Variants in PCDHGA2 observed in about 807,000 individuals in gnomAD.
PCDHGA2 encodes the protein protocadherin gamma-A2.
A neutral mutation model predicts 59.2 loss-of-function variants in PCDHGA2; 40 were observed. The observed-to-expected ratio is 0.68, with a 90% CI of 0.52 to 0.88. The LOEUF (loss-of-function observed/expected upper bound fraction) is 0.88, where lower values mean the gene tolerates loss of function less well. PCDHGA2 is among the 40% of genes least tolerant of loss of function. The pLI is 0.00. For missense variants in PCDHGA2, 1,226 were observed against 1,204.0 expected, an observed-to-expected ratio of 1.02 and a Z score of -0.27; for synonymous variants, 560 against 526.0, an observed-to-expected ratio of 1.06 and a Z score of -0.89.
In PCDHGA2 at chr5:141,398,664, A is replaced by G. The variant is rs762356100; in HGVS notation, c.2424+57269A>G. The G allele has an allele frequency of 4.3e-6, 7 of 1,612,604 alleles. No individual in the cohort carries two copies. In the East Asian group the frequency reaches 8.9e-5, roughly 21 times the overall value. ...AACTCTCTCTTAACCCAAGTTTCTC[A>G]TTAATAATTAAGGAGAAACAGGATG... On this transcript the variant is annotated intron_variant, in intron 1 of 3. Transcript: ENST00000394576.
In PCDHGA2 at chr5:141,485,115, G is replaced by T. The variant is rs1043877839; in HGVS notation, c.2425-9692G>T. On this transcript the variant is annotated intron_variant, in intron 1 of 3. Transcript: ENST00000394576. This position sits in a 1 kb window ranked among gnomAD's most constrained non-coding sequence, Gnocchi z 5.7. ...GTGTCTCCAGCTGCTGTGGCTGTTT[G>T]GGGCGGGTCGGCTTCATCCGCGTCT... The T allele has an allele frequency of 3.8e-6, 5 of 1,300,464 alleles. No homozygotes were observed. The African/African-American group carries it at 5.8e-5, about 15-fold the overall frequency. The allele number at this position is 1,300,464 out of a possible 1,614,324, so 80.6% of individuals were successfully genotyped here.
chr5:141,455,616 A>G (rs2154565146), intron 1 of PCDHGA2, among the ~76,000 whole-genome samples: 1 of 152,244 alleles, frequency 6.6e-6, no homozygotes, highest in South Asian at 2.1e-4. Flanking sequence ...GGATGTTCTA[A>G]ACACGTGGAG....
intron 1 of PCDHGA2, chr5:141,478,485 G>C (rs2099459345): frequency 1.2e-6 from 2 of 1,613,204 alleles, no homozygotes; most frequent in East Asian, 4.5e-5. Flanking sequence ...AACACGCTGC[G>C]GAGCTGTGAT....
chr5:141,365,757 C>A lies in PCDHGA2; in HGVS notation c.2424+24362C>A, dbSNP rs1331087585. The A allele has an allele frequency of 1.9e-6, 3 of 1,613,830 alleles. No individual in the cohort carries two copies. The East Asian group carries it at 6.7e-5, about 36-fold the overall frequency. ...GGTGTCTCTATCTTCTCTGTGACAG[C>A]CCATGACCCCGACAGCGGCGACAAC... On this transcript the variant is annotated intron_variant, in intron 1 of 3. Transcript: ENST00000394576.
At position 141,379,404 on chromosome 5, in the gene PCDHGA2, G is replaced by C. The variant is rs146281241; in HGVS notation, c.2424+38009G>C. ...ACAATTTTAAACAACTTGAATCTTGGATATTAGTCTCATGAGTTAGATGGG... is the reference window on the plus strand; with the variant it reads ...ACAATTTTAAACAACTTGAATCTTGCATATTAGTCTCATGAGTTAGATGGG... On this transcript the variant is annotated intron_variant, in intron 1 of 3. Coordinates refer to ENST00000394576, the MANE Select transcript of PCDHGA2 (RefSeq NM_018915.4). 549 of 152,154 alleles carry C rather than the reference G, an allele frequency of 3.6e-3. 6 individuals are homozygous for C. Among genetic ancestry groups the C allele is most frequent in the African/African-American group, 0.012 (518 of 41,502 alleles). 9.4% of individuals were successfully genotyped at this position (152,154 alleles called of 1,614,324 possible). A position where few individuals can be genotyped will look rare whatever the true frequency, so the allele number is the denominator to read the frequency against.
At chr5:141,413,724 C>T (rs751084568) in intron 1 of PCDHGA2, 2 of 1,613,426 alleles carry the variant, frequency 1.2e-6, no homozygotes, top group East Asian at 2.2e-5. Context: ...AGCACTTCTC[C>T]CTAAGAGTTC....
intron 2 of PCDHGA2, among the ~76,000 whole-genome samples, chr5:141,497,501 C>T (rs1268186916): frequency 6.6e-6 from 1 of 151,182 alleles, no homozygotes; most frequent in Non-Finnish European, 1.5e-5. Flanking sequence ...TCTCTCCTCT[C>T]TCTGCTTCCT....
chr5:141,445,456 T>A (rs921684111), intron 1 of PCDHGA2, among the ~76,000 whole-genome samples: 8 of 152,218 alleles, frequency 5.3e-5, no homozygotes, highest in Non-Finnish European at 1.0e-4. Flanking sequence ...GATGCAGCAA[T>A]GAACAAGGCA....
At chr5:141,356,148 C>T (rs1760128442) in intron 1 of PCDHGA2, 2 of 1,613,436 alleles carry the variant, frequency 1.2e-6, no homozygotes, top group African/African-American at 1.3e-5. Context: ...GATTCTATGA[C>T]ATAGATGTAG....
intron 1 of PCDHGA2, chr5:141,422,399 T>A: frequency 1.3e-6 from 2 of 1,598,374 alleles, no homozygotes; most frequent in Non-Finnish European, 1.7e-6. Context: ...CCTAACCACC[T>A]GCCTTTTAAA....
In PCDHGA2 at chr5:141,434,786, T is replaced by A. The variant is rs867453805; in HGVS notation, c.2425-60021T>A. ...TTCACACTTCTAAAAAAAAAAAAAT[T>A]TTTTTTTCTGAGCTTGGAGAAATAT... On this transcript the variant is annotated intron_variant, in intron 1 of 3. Coordinates refer to ENST00000394576, the MANE Select transcript of PCDHGA2 (RefSeq NM_018915.4). 6.8e-4 allele frequency among the ~76,000 whole-genome samples: 102 copies of A among 150,682 alleles called. 1 individual carries two copies. The highest frequency in any genetic ancestry group is 1.8e-3 in the African/African-American group (72 of 40,898).
chr5:141,403,333 C>A (rs376895778), intron 1 of PCDHGA2: 1 of 1,613,984 alleles, frequency 6.2e-7, no homozygotes, highest in South Asian at 1.1e-5. Flanking sequence ...CTGATATTAA[C>A]GACAGCGCCC....
At chr5:141,347,172 T>TTTCC (rs1757920593) in intron 1 of PCDHGA2, among the ~76,000 whole-genome samples, 1 of 149,064 alleles carries the variant, frequency 6.7e-6, no homozygotes, top group Non-Finnish European at 1.5e-5. Context: ...TCTTTCTTTC[T>TTTCC]TTCTTTCTTG....
At chr5:141,377,254 T>A (rs1332272982) in intron 1 of PCDHGA2, 1 of 149,056 alleles carries the variant, frequency 6.7e-6, no homozygotes, top group Non-Finnish European at 1.5e-5. Flanking sequence ...TGTAAGGTTC[T>A]TTCTTTTTCT....
At chr5:141,475,571 G>A (rs1426547386) in intron 1 of PCDHGA2, among the ~76,000 whole-genome samples, 1 of 152,212 alleles carries the variant, frequency 6.6e-6, no homozygotes, top group East Asian at 1.9e-4. Context: ...CTTCCAACAA[G>A]CCAGATTTGT....
intron 1 of PCDHGA2, among the ~76,000 whole-genome samples, chr5:141,447,954 CGGACACCTA>C (rs2098556369): frequency 6.6e-6 from 1 of 151,814 alleles, no homozygotes; most frequent in Non-Finnish European, 1.5e-5. Context: ...GGCATGGTGG[CGGACACCTA>C]TAATCCCAGC....
At chr5:141,423,025 G>A in intron 1 of PCDHGA2, 1 of 1,614,222 alleles carries the variant, frequency 6.2e-7, no homozygotes, top group Non-Finnish European at 8.5e-7. Context: ...CAAAGATTCA[G>A]GCCAGAACGC....
At chr5:141,445,213 A>C (rs775782586) in intron 1 of PCDHGA2, among the ~76,000 whole-genome samples, 1 of 152,226 alleles carries the variant, frequency 6.6e-6, no homozygotes, top group Non-Finnish European at 1.5e-5. Context: ...TTGAAAAGTA[A>C]GAGGTGCAAA....
chr5:141,467,055 C>CTT (rs1193465269), intron 1 of PCDHGA2, among the ~76,000 whole-genome samples: 5 of 134,496 alleles, frequency 3.7e-5, no homozygotes, highest in African/African-American at 5.4e-5. Context: ...TCAATGTTTT[C>CTT]TTTTTTTTTT....
Sources: allele counts gnomAD v4.1 joint callset (sites outside exome capture counted in the v4.1 genomes callset), GRCh38; gene constraint gnomAD v4.1.1; non-coding constraint Gnocchi (gnomAD v3.1); transcripts MANE v1.5; gene names NCBI Gene and HGNC (gene_info 2026-07-23, HGNC 2026-07-21).